Variants in IL16 observed in about 807,000 individuals in gnomAD.
IL16 encodes pro-interleukin-16.
Under a neutral mutation model 110.1 loss-of-function variants are expected in IL16, and 67 were observed. The ratio of observed to expected loss-of-function variants is 0.61; its 90% confidence interval spans 0.50 to 0.75. IL16 has a LOEUF of 0.75. Ranked by LOEUF, IL16 falls within the 30% of genes least tolerant of loss-of-function variation. IL16 has a pLI of 0.00. For synonymous variants in IL16, 689 were observed against 662.9 expected (o/e 1.04, Z -0.61); for missense variants, 1,545 against 1,655.0 (o/e 0.93, Z 1.15).
chr15:81,267,072 G>A (rs1162800076), intron 4 of IL16, among the ~76,000 whole-genome samples: 1 of 152,196 alleles, frequency 6.6e-6, no homozygotes, highest in Non-Finnish European at 1.5e-5. Flanking sequence ...GGTCATACAG[G>A]AGTACACTGG....
At chr15:81,299,281 C>G in intron 13 of IL16, 99 bp from the exon 14 acceptor site, 1 of 1,595,688 alleles carries the variant, frequency 6.3e-7, no homozygotes, top group South Asian at 1.1e-5. Flanking sequence ...ATCTCCTCCT[C>G]TTGAATCCTT....
At position 81,282,742 on chromosome 15, in the gene IL16, G is replaced by A. The variant is rs1899241620; in HGVS notation, c.1185G>A (p.Leu395=). The A allele has an allele frequency of 1.2e-6, 2 of 1,612,908 alleles. No homozygotes were observed. The highest frequency in any genetic ancestry group is 2.7e-5 in the African/African-American group (2 of 75,038). Residue 395 remains leucine, a synonymous_variant, in exon 9 of 19, where the codon CTG becomes CTA. Transcript: ENST00000683961. ...TGTCACCAGGATCCGTGGCGCACCT[G>A]GACGGACGTCTCCGGTATGTCCTCA... ...HTLSPGSVAH[L]DGRLRCGDEI... is the part of the protein sequence containing the mutation.
intron 13 of IL16, among the ~76,000 whole-genome samples, chr15:81,298,842 C>T (rs1413116785): frequency 6.6e-6 from 1 of 152,174 alleles, no homozygotes; most frequent in African/African-American, 2.4e-5. Flanking sequence ...TGTGGGAAGC[C>T]GAAGTGGCCC....
intron 1 of IL16, among the ~76,000 whole-genome samples, chr15:81,183,065 A>AGTGTGTGTGCACACGTGTG (rs1566985528): frequency 2.1e-5 from 3 of 145,130 alleles, no homozygotes; most frequent in African/African-American, 8.6e-5. Flanking sequence ...GCACACGTGT[A>AGTGTGTGTGCACACGTGTG]AGTGTGTGCA....
At chr15:81,270,410 T>C (rs750694949) in intron 5 of IL16, among the ~76,000 whole-genome samples, 3 of 152,218 alleles carry the variant, frequency 2.0e-5, no homozygotes, top group African/African-American at 7.2e-5. Context: ...GAGGAGGACC[T>C]AATTGCTACT....
intron 14 of IL16, 127 bp downstream of exon 14, chr15:81,300,602 CCT>C: frequency 3.3e-6 from 2 of 612,566 alleles, no homozygotes; most frequent in Non-Finnish European, 5.4e-6. Context: ...AATTGTTCTG[CCT>C]CTTTCTTTCC....
intron 3 of IL16, among the ~76,000 whole-genome samples, chr15:81,264,701 G>A (rs866582214): frequency 6.6e-6 from 1 of 150,584 alleles, no homozygotes; most frequent in Non-Finnish European, 1.5e-5. Flanking sequence ...TTAGCCACAT[G>A]TAGTCTTGAG....
At chr15:81,268,847 A>G (rs967969407) in intron 4 of IL16, among the ~76,000 whole-genome samples, 2 of 152,240 alleles carry the variant, frequency 1.3e-5, no homozygotes, top group South Asian at 4.1e-4. Flanking sequence ...CATTAGGACC[A>G]TGCTTTTACA....
chr15:81,262,719 G>T (rs7172451), intron 3 of IL16, among the ~76,000 whole-genome samples: 37,064 of 152,050 alleles, frequency 0.24, 5,178 homozygotes, highest in African/African-American at 0.38. Flanking sequence ...ATCACCTGAG[G>T]TCAGGAGTTC....
At chr15:81,290,922 A>G (rs892017236) in intron 11 of IL16, among the ~76,000 whole-genome samples, 2 of 152,248 alleles carry the variant, frequency 1.3e-5, no homozygotes, top group Non-Finnish European at 2.9e-5. Flanking sequence ...ACATTTGGGA[A>G]TATAATTCTG....
At chr15:81,186,072 A>T (rs1895414843) in intron 1 of IL16, among the ~76,000 whole-genome samples, 1 of 152,124 alleles carries the variant, frequency 6.6e-6, no homozygotes, top group Admixed American at 6.5e-5. Flanking sequence ...TCTGTTCCCC[A>T]CATCTGGCAG....
intron 2 of IL16, among the ~76,000 whole-genome samples, chr15:81,234,511 C>T (rs957125973): frequency 6.6e-6 from 1 of 152,208 alleles, no homozygotes; most frequent in East Asian, 1.9e-4. Flanking sequence ...TCAAATAATG[C>T]TAAAACCTTA....
intron 3 of IL16, among the ~76,000 whole-genome samples, chr15:81,262,803 C>T (rs144416938): frequency 0.012 from 1,857 of 152,216 alleles, 34 homozygotes; most frequent in African/African-American, 0.042. Context: ...TGGTGGCACA[C>T]GCCTGTAATC....
chr15:81,284,841 T>A (rs1899367407), intron 9 of IL16, among the ~76,000 whole-genome samples: 1 of 152,220 alleles, frequency 6.6e-6, no homozygotes, highest in African/African-American at 2.4e-5. Context: ...TGGCCACAGC[T>A]GTCATGCTAT....
In IL16 at chr15:81,310,742, G is replaced by C. The variant is rs1183949055; in HGVS notation, c.*1944G>C. 6.6e-6 allele frequency: 1 copy of C among 152,212 alleles called. No individual in the cohort carries two copies. The highest frequency in any genetic ancestry group is 1.5e-5 in the Non-Finnish European group (1 of 68,096). The allele number at this position is 152,212 out of a possible 1,614,324, so 9.4% of individuals were successfully genotyped here. On this transcript the variant is annotated 3_prime_UTR_variant, in exon 19 of 19. Transcript: ENST00000683961. ...AAGTCTTATCAAGCAGCCAAGGGAT[G>C]AAAGAGAAGGTGGGTTTTCATCAAG...
chr15:81,291,631 C>G (rs1899721852), intron 11 of IL16, among the ~76,000 whole-genome samples: 1 of 152,020 alleles, frequency 6.6e-6, no homozygotes, highest in South Asian at 2.1e-4. Context: ...AAAGGGGCAC[C>G]CTTGACAGCT....
Position 81,225,641 on chromosome 15 carries a change from C to G in IL16, c.242C>G (p.Ser81Trp). Residue 81 changes from serine to tryptophan, a missense_variant, in exon 2 of 19, where the codon TCG becomes TGG. Ser to Trp is a radical substitution (Grantham distance 177). This residue lies in a region of IL16 where 1,185 missense variants were observed against 1,238.8 expected (regional missense o/e 0.96). Coordinates refer to ENST00000683961, the MANE Select transcript of IL16 (RefSeq NM_172217.5). Reference protein sequence around the residue: ...PSSVPDLALASEAAQLQAAGN... With the variant: ...PSSVPDLALAWEAAQLQAAGN... ...AGTGTTCCTGATCTAGCACTGGCCT[C>G]GGAGGCTGCTCAACTCCAAGCAGCT... is the stretch of plus-strand genomic sequence containing the variant. 1 of 1,614,036 alleles carries G rather than the reference C, an allele frequency of 6.2e-7. No individual in the cohort carries two copies. The highest frequency in any genetic ancestry group is 8.5e-7 in the Non-Finnish European group (1 of 1,179,988).
In IL16 at chr15:81,311,952, A is replaced by C. The variant is rs17875563; in HGVS notation, c.*3154A>C. On this transcript the variant is annotated 3_prime_UTR_variant, in exon 19 of 19. Transcript: ENST00000683961. Reference sequence around the variant, plus strand: ...TCACATCTTGGCACATTTAAGAGACAGTCACCCCAGGACTCAAAAATAGGG... The same window carrying C: ...TCACATCTTGGCACATTTAAGAGACCGTCACCCCAGGACTCAAAAATAGGG... 1 of 152,142 alleles carries C rather than the reference A, an allele frequency of 6.6e-6. No individual in the cohort carries two copies. 9.4% of individuals were successfully genotyped at this position (152,142 alleles called of 1,614,324 possible). A position where few individuals can be genotyped will look rare whatever the true frequency, so the allele number is the denominator to read the frequency against.
chr15:81,271,001 C>G (rs1898608063), intron 5 of IL16, among the ~76,000 whole-genome samples: 1 of 152,136 alleles, frequency 6.6e-6, no homozygotes, highest in African/African-American at 2.4e-5. Context: ...CCAGAGGGAT[C>G]AGCAAGTGCT....
Sources: allele counts gnomAD v4.1 joint callset (sites outside exome capture counted in the v4.1 genomes callset), GRCh38; gene constraint gnomAD v4.1.1; regional missense constraint gnomAD v4.1.1; transcripts MANE v1.5; gene names NCBI Gene and HGNC (gene_info 2026-07-23, HGNC 2026-07-21).